Variants in SPIDR observed in about 807,000 individuals in gnomAD.
The protein encoded by SPIDR is DNA repair-scaffolding protein.
In SPIDR, 93 loss-of-function variants were observed where a neutral mutation model predicts 104.6. That is an observed-to-expected ratio of 0.89 (90% confidence interval 0.75 to 1.06). SPIDR has a LOEUF of 1.06. Ranked by LOEUF, SPIDR falls within the 50% of genes least tolerant of loss-of-function variation. SPIDR has a pLI of 0.00. For missense variants in SPIDR, 1,154 were observed against 1,111.2 expected, an observed-to-expected ratio of 1.04 and a Z score of -0.55; for synonymous variants, 431 against 416.9, an observed-to-expected ratio of 1.03 and a Z score of -0.41.
chr8:47,609,946 C>A (rs1278438828), intron 10 of SPIDR, among the ~76,000 whole-genome samples: 1 of 152,040 alleles, frequency 6.6e-6, no homozygotes, highest in Non-Finnish European at 1.5e-5. Flanking sequence ...TGAGTACAGA[C>A]AATTATGAAG....
chr8:47,488,083 G>A (rs1470881081), intron 8 of SPIDR, among the ~76,000 whole-genome samples: 1 of 152,034 alleles, frequency 6.6e-6, no homozygotes, highest in Non-Finnish European at 1.5e-5. Context: ...TTTTTGAAAG[G>A]ATCAACAAAT....
intron 5 of SPIDR, among the ~76,000 whole-genome samples, chr8:47,301,278 T>A (rs1363247036): frequency 3.9e-5 from 6 of 152,212 alleles, no homozygotes; most frequent in African/African-American, 1.4e-4. Flanking sequence ...CCCCTGCCTT[T>A]TTTTGTTTTC....
At chr8:47,642,056 G>C (rs1278935068) in intron 10 of SPIDR, among the ~76,000 whole-genome samples, 3 of 152,128 alleles carry the variant, frequency 2.0e-5, no homozygotes, top group African/African-American at 7.2e-5. Flanking sequence ...TCAAGGATTT[G>C]CATTGAAGGC....
In SPIDR at chr8:47,574,757, AGAGGG is replaced by A. The variant is rs535667480; in HGVS notation, c.1098-21034_1098-21030del. ...AGTAAGACTCGATCTTGAGAAGAGG[AGAGGG>A]GAGGGGAGGGGAGGGGAGGAGAGGG... On this transcript the variant is annotated intron_variant, in intron 8 of 19. Transcript: ENST00000297423. Among the ~76,000 whole-genome samples the A allele has an allele frequency of 1.6e-3, 226 of 143,064 alleles. 1 individual carries two copies. In the South Asian group the frequency reaches 0.051, roughly 32 times the overall value. 93.9% of individuals were successfully genotyped at this position (143,064 alleles called of 152,430 possible).
intron 10 of SPIDR, among the ~76,000 whole-genome samples, chr8:47,664,238 T>C (rs911023982): frequency 2.6e-5 from 4 of 152,140 alleles, no homozygotes; most frequent in Non-Finnish European, 4.4e-5. Context: ...GACCTGACTG[T>C]CCCACTCCAG....
In SPIDR at chr8:47,293,978, G is replaced by T. The variant is rs1250373528; in HGVS notation, c.473G>T (p.Cys158Phe). The T allele has an allele frequency of 6.2e-7, 1 of 1,614,036 alleles. No homozygotes were observed. The highest frequency in any genetic ancestry group is 1.3e-5 in the African/African-American group (1 of 74,934). Residue 158 changes from cysteine to phenylalanine, a missense_variant, in exon 5 of 20, where the codon TGT becomes TTT. By Grantham distance (205) the Cys-to-Phe change is radical. Transcript: ENST00000297423. ...GTGGAAATCTCAGACTGTGCTTCTT[G>T]TGCAAGTAATCAGTCTTTGACAAGT... is the stretch of plus-strand genomic sequence containing the variant. The part of the protein sequence containing the change: ...GAVEISDCAS[C>F]ASNQSLTSDE...
At chr8:47,323,794 A>G (rs976241109) in intron 5 of SPIDR, among the ~76,000 whole-genome samples, 1 of 152,146 alleles carries the variant, frequency 6.6e-6, no homozygotes, top group East Asian at 1.9e-4. Flanking sequence ...TTAGTCTTCT[A>G]CTTCTTCAGA....
intron 10 of SPIDR, among the ~76,000 whole-genome samples, chr8:47,633,558 GA>G (rs113678854): frequency 2.6e-4 from 35 of 134,298 alleles, no homozygotes; most frequent in East Asian, 6.5e-4. Flanking sequence ...GCAAATGATT[GA>G]AAAAAAAAAA....
At chr8:47,548,291 G>C (rs1024711694) in intron 8 of SPIDR, among the ~76,000 whole-genome samples, 7 of 152,198 alleles carry the variant, frequency 4.6e-5, no homozygotes, top group South Asian at 4.1e-4. Flanking sequence ...GATTAAGTCT[G>C]CTATGCACAT....
At chr8:47,630,194 T>C (rs1246859435) in intron 10 of SPIDR, among the ~76,000 whole-genome samples, 1 of 152,044 alleles carries the variant, frequency 6.6e-6, no homozygotes, top group Non-Finnish European at 1.5e-5. Context: ...AAAGTAAAAA[T>C]TAAAACCCTT....
chr8:47,561,929 A>C (rs1306848217), intron 8 of SPIDR, among the ~76,000 whole-genome samples: 1 of 152,368 alleles, frequency 6.6e-6, no homozygotes, highest in Middle Eastern at 3.4e-3. Flanking sequence ...ACCACAAAAT[A>C]TGTTCAAAGA....
chr8:47,378,297 C>A (rs1359586149), intron 5 of SPIDR, among the ~76,000 whole-genome samples: 1 of 152,136 alleles, frequency 6.6e-6, no homozygotes, highest in Non-Finnish European at 1.5e-5. Flanking sequence ...ACTATCTTTT[C>A]ACTATTGAAA....
At chr8:47,495,987 C>G (rs2079386128) in intron 8 of SPIDR, among the ~76,000 whole-genome samples, 1 of 151,890 alleles carries the variant, frequency 6.6e-6, no homozygotes, top group South Asian at 2.1e-4. Flanking sequence ...TTCATATTGT[C>G]TGATCATATA....
intron 10 of SPIDR, among the ~76,000 whole-genome samples, chr8:47,636,739 CT>C (rs2067987416): frequency 6.6e-6 from 1 of 151,364 alleles, no homozygotes; most frequent in Non-Finnish European, 1.5e-5. Flanking sequence ...TCACTTGAGC[CT>C]GGGAGTTCAA....
chr8:47,486,418 G>A (rs2077623793), intron 8 of SPIDR, among the ~76,000 whole-genome samples: 1 of 152,132 alleles, frequency 6.6e-6, no homozygotes, highest in Non-Finnish European at 1.5e-5. Context: ...AACCAACCTG[G>A]AAAACACTCT....
At chr8:47,443,709 T>C (rs2069945537) in intron 8 of SPIDR, among the ~76,000 whole-genome samples, 1 of 151,878 alleles carries the variant, frequency 6.6e-6, no homozygotes, top group African/African-American at 2.4e-5. Context: ...CTGGCTGTCC[T>C]TTTCCCACTA....
intron 5 of SPIDR, among the ~76,000 whole-genome samples, chr8:47,349,349 A>G (rs1275514815): frequency 2.0e-5 from 3 of 152,186 alleles, no homozygotes; most frequent in Admixed American, 2.0e-4. Context: ...GCTTCGTCTC[A>G]GAGGGGCACC....
chr8:47,625,859 ACTTT>A (rs1330273236), intron 10 of SPIDR, among the ~76,000 whole-genome samples: 1 of 152,224 alleles, frequency 6.6e-6, no homozygotes, highest in African/African-American at 2.4e-5. Context: ...GCTACCAGTG[ACTTT>A]CTTCACAGAA....
At chr8:47,702,052 TTCTCTCTCTCTCTCTCTC>T in intron 14 of SPIDR, 37 bp downstream of exon 14, 1 of 1,178,140 alleles carries the variant, frequency 8.5e-7, no homozygotes, top group South Asian at 1.4e-5. Flanking sequence ...CTCTCAGCCT[TTCTCTCTCTCTCTCTCTC>T]TCTCTCTCTC....
Sources: allele counts gnomAD v4.1 joint callset (sites outside exome capture counted in the v4.1 genomes callset), GRCh38; gene constraint gnomAD v4.1.1; transcripts MANE v1.5; gene names NCBI Gene and HGNC (gene_info 2026-07-23, HGNC 2026-07-21).